SHISA6: variants seen among roughly 807,000 people sequenced by gnomAD.
SHISA6 encodes the protein shisa family member 6.
In SHISA6, 22 loss-of-function variants were observed where a neutral mutation model predicts 47.9. The observed-to-expected ratio is 0.46, with a 90% confidence interval of 0.33 to 0.66. The LOEUF (loss-of-function observed/expected upper bound fraction) is 0.66, where lower values mean the gene tolerates loss of function less well. Ranked by LOEUF, SHISA6 falls within the 30% of genes least tolerant of loss-of-function variation. The pLI is 0.02. For missense variants in SHISA6, 680 were observed against 764.6 expected (o/e 0.89, Z 1.30); for synonymous variants, 388 against 337.8 (o/e 1.15, Z -1.63).
At chr17:11,385,814 G>A (rs576897716) in intron 3 of SHISA6, among the ~76,000 whole-genome samples, 2 of 152,232 alleles carry the variant, frequency 1.3e-5, no homozygotes, top group South Asian at 4.2e-4. Context: ...AGGAAACCAG[G>A]GTGGTGTGCT....
At chr17:11,395,084 C>G (rs772839064) in intron 3 of SHISA6, among the ~76,000 whole-genome samples, 1 of 146,610 alleles carries the variant, frequency 6.8e-6, no homozygotes, top group African/African-American at 2.5e-5. Flanking sequence ...TCACTGCAAG[C>G]TCTGCCTCCT....
At chr17:11,481,260 C>T (rs1480516700) in intron 3 of SHISA6, among the ~76,000 whole-genome samples, 2 of 151,278 alleles carry the variant, frequency 1.3e-5, no homozygotes, top group African/African-American at 4.9e-5. Context: ...GCCTGGACGA[C>T]AGAGCAAGAC....
chr17:11,460,161 T>C (rs1915657004), intron 3 of SHISA6, among the ~76,000 whole-genome samples: 1 of 152,202 alleles, frequency 6.6e-6, no homozygotes, highest in African/African-American at 2.4e-5. Context: ...AGAATAGCAA[T>C]GTCCAGCTCA....
rs565178161 is a variant in SHISA6, at chr17:11,318,060, AT to A, written c.799+54542del. On this transcript the variant is annotated intron_variant, in intron 2 of 5. Transcript: ENST00000441885. ...ACATAATTTAATCCATAAATAGTAA[AT>A]TTTTTTTATGTATTTCTGAAAGACA... Among the ~76,000 whole-genome samples the A allele has an allele frequency of 6.9e-3, 1,049 of 151,950 alleles. 13 individuals are homozygous for A. The highest frequency in any genetic ancestry group is 0.023 in the African/African-American group (959 of 41,414).
At position 11,506,831 on chromosome 17, in the gene SHISA6, A is replaced by G. The variant is rs145718282; in HGVS notation, c.896-45065A>G. Reference sequence around the variant, plus strand: ...TTTTACAAAACAAAGTTCAGGACCTAGGACAGCACCGTCGCCCCAACTGAC... The same window carrying G: ...TTTTACAAAACAAAGTTCAGGACCTGGGACAGCACCGTCGCCCCAACTGAC... On this transcript the variant is annotated intron_variant, in intron 3 of 5. Transcript: ENST00000441885. Among the ~76,000 whole-genome samples, 37 of 152,356 alleles carry G rather than the reference A, an allele frequency of 2.4e-4. No individual in the cohort carries two copies. In the East Asian group the frequency reaches 6.7e-3, roughly 28 times the overall value.
At chr17:11,284,357 T>G (rs1294059136) in intron 2 of SHISA6, among the ~76,000 whole-genome samples, 2 of 152,196 alleles carry the variant, frequency 1.3e-5, no homozygotes, top group East Asian at 3.9e-4. Flanking sequence ...CTTACAGGGT[T>G]GGCTTCCATC....
At chr17:11,471,580 G>T (rs1915936349) in intron 3 of SHISA6, among the ~76,000 whole-genome samples, 1 of 152,168 alleles carries the variant, frequency 6.6e-6, no homozygotes, top group Non-Finnish European at 1.5e-5. Flanking sequence ...GGAAGCCTTT[G>T]CTGACCTCTC....
intron 3 of SHISA6, among the ~76,000 whole-genome samples, chr17:11,494,349 C>A (rs2071390938): frequency 6.6e-6 from 1 of 152,216 alleles, no homozygotes; most frequent in Non-Finnish European, 1.5e-5. Context: ...GCTGCCCGAA[C>A]CTAGCCCTCC....
intron 2 of SHISA6, among the ~76,000 whole-genome samples, chr17:11,345,843 T>TC (rs1162036136): frequency 6.6e-6 from 1 of 152,144 alleles, no homozygotes; most frequent in Non-Finnish European, 1.5e-5. Context: ...ATTTACTAGT[T>TC]CTAGTAGGTT....
At chr17:11,391,323 C>T (rs909947642) in intron 3 of SHISA6, among the ~76,000 whole-genome samples, 8 of 151,976 alleles carry the variant, frequency 5.3e-5, no homozygotes, top group South Asian at 2.1e-4. Flanking sequence ...GTGAAGGCAC[C>T]GTAGGACACC....
At chr17:11,348,362 G>A (rs1049286381) in intron 2 of SHISA6, among the ~76,000 whole-genome samples, 1 of 152,172 alleles carries the variant, frequency 6.6e-6, no homozygotes, top group African/African-American at 2.4e-5. Context: ...GATCGTGAGT[G>A]ATGTCAACTA....
chr17:11,443,635 A>T (rs937698316), intron 3 of SHISA6, among the ~76,000 whole-genome samples: 3 of 152,206 alleles, frequency 2.0e-5, no homozygotes, highest in Admixed American at 2.0e-4. Context: ...TTATGGTGCT[A>T]TCATTGTGAG....
chr17:11,251,684 T>G (rs1010668684), intron 1 of SHISA6, among the ~76,000 whole-genome samples: 8 of 152,324 alleles, frequency 5.3e-5, no homozygotes, highest in African/African-American at 7.2e-5. Flanking sequence ...TTAGCCAGCT[T>G]GCTTCTGCTG....
chr17:11,327,505 C>T (rs1039531549), intron 2 of SHISA6, among the ~76,000 whole-genome samples: 16 of 152,186 alleles, frequency 1.1e-4, no homozygotes, highest in Admixed American at 7.9e-4. Flanking sequence ...CTAGTAGTGG[C>T]AGTGATAAAT....
intron 3 of SHISA6, among the ~76,000 whole-genome samples, chr17:11,457,178 G>C (rs1021814211): frequency 2.0e-5 from 3 of 152,142 alleles, no homozygotes; most frequent in African/African-American, 7.2e-5. Context: ...AAGGGCCCCA[G>C]CGTTTCGAAT....
chr17:11,530,267 C>CCACA (rs530530442), intron 3 of SHISA6, among the ~76,000 whole-genome samples: 3 of 151,396 alleles, frequency 2.0e-5, no homozygotes, highest in South Asian at 2.1e-4. Flanking sequence ...GGTTAAAAAA[C>CCACA]CACACACACA....
intron 3 of SHISA6, among the ~76,000 whole-genome samples, chr17:11,543,182 C>A (rs1284952955): frequency 1.3e-5 from 2 of 152,022 alleles, no homozygotes; most frequent in Non-Finnish European, 2.9e-5. Flanking sequence ...GTGTCTTCTC[C>A]TAACTTTTAA....
chr17:11,375,607 G>T (rs1284939860), intron 2 of SHISA6, among the ~76,000 whole-genome samples: 1 of 151,958 alleles, frequency 6.6e-6, no homozygotes, highest in Non-Finnish European at 1.5e-5. Context: ...CCCTCCACTT[G>T]CTTTCTTATC....
chr17:11,255,988 G>A (rs1907993197), intron 1 of SHISA6, among the ~76,000 whole-genome samples: 1 of 152,164 alleles, frequency 6.6e-6, no homozygotes, highest in African/African-American at 2.4e-5. Context: ...ACCCTAAGAG[G>A]CAGACATTAT....
Sources: gnomAD v4.1 joint callset for allele counts (sites outside exome capture counted in the v4.1 genomes callset) on GRCh38, gnomAD v4.1.1 for gene constraint, MANE v1.5 for transcripts, NCBI Gene and HGNC (gene_info 2026-07-23, HGNC 2026-07-21) for gene names.